Variants in VWF observed in about 807,000 individuals in gnomAD.
VWF encodes Factor VIII related antigen.
Under a neutral mutation model 308.6 loss-of-function variants are expected in VWF, and 176 were observed. That is an observed-to-expected ratio of 0.57 (90% CI 0.50 to 0.65). VWF has a LOEUF of 0.65. Among genes scored for constraint, VWF ranks in the 30% least tolerant of loss-of-function variants. The pLI is 0.00. For missense variants in VWF, 3,146 were observed against 3,648.2 expected, an observed-to-expected ratio of 0.86 and a Z score of 3.55; for synonymous variants, 1,385 against 1,443.4, an observed-to-expected ratio of 0.96 and a Z score of 0.92.
chr12:6,065,673 G>T (rs117752210), intron 10 of VWF, among the ~76,000 whole-genome samples: 1 of 152,200 alleles, frequency 6.6e-6, no homozygotes, highest in Non-Finnish European at 1.5e-5. Flanking sequence ...TGGTGCCAGC[G>T]GAATGCCTGG....
At chr12:6,045,948 C>T (rs1455150711) in intron 17 of VWF, among the ~76,000 whole-genome samples, 1 of 152,124 alleles carries the variant, frequency 6.6e-6, no homozygotes, top group Admixed American at 6.5e-5. Flanking sequence ...ACAGGCCAGG[C>T]GTGGTGGCTC....
intron 11 of VWF, 70 bp from the exon 12 acceptor site, chr12:6,064,454 C>G (rs565712420): frequency 1.9e-4 from 307 of 1,599,958 alleles, no homozygotes; most frequent in Admixed American, 3.8e-4. Flanking sequence ...CCAGGACCCT[C>G]TTAATCAGAG....
At chr12:5,982,421 T>A (rs1295523956) in intron 41 of VWF, among the ~76,000 whole-genome samples, 3 of 152,280 alleles carry the variant, frequency 2.0e-5, no homozygotes, top group Non-Finnish European at 2.9e-5. Flanking sequence ...AACAATACCC[T>A]ACACTTTAGG....
chr12:6,030,885 C>T (rs773220063), intron 21 of VWF, among the ~76,000 whole-genome samples: 6 of 152,020 alleles, frequency 3.9e-5, no homozygotes, highest in South Asian at 2.1e-4. Context: ...AGAAATTAGC[C>T]GGGCACGGTG....
At chr12:6,055,712 A>AT (rs1944569360) in intron 15 of VWF, among the ~76,000 whole-genome samples, 1 of 151,020 alleles carries the variant, frequency 6.6e-6, no homozygotes, top group South Asian at 2.1e-4. Flanking sequence ...ACTGTTTCTC[A>AT]TAACTCCTCT....
chr12:6,111,257 CTGCGT>C (rs1426382215), intron 3 of VWF, among the ~76,000 whole-genome samples: 5 of 152,170 alleles, frequency 3.3e-5, no homozygotes, highest in Non-Finnish European at 2.9e-5. Flanking sequence ...AGTTTACAAC[CTGCGT>C]ATAAATAGAA....
chr12:6,021,649 G>GC, intron 27 of VWF: 1 of 487,896 alleles, frequency 2.0e-6, no homozygotes, highest in Non-Finnish European at 3.6e-6. Context: ...CCTATTAAGA[G>GC]CAAAAACACT....
chr12:5,953,302 A>G (rs1023574669), intron 48 of VWF, among the ~76,000 whole-genome samples, 194 bp downstream of exon 48: 3 of 152,220 alleles, frequency 2.0e-5, no homozygotes, highest in Non-Finnish European at 4.4e-5. Context: ...AAGAAGAGCA[A>G]CAAAATAACT....
At position 6,051,286 on chromosome 12, in the gene VWF, C is replaced by CT. The variant is rs55842185; in HGVS notation, c.2186+1256dup. Among the ~76,000 whole-genome samples, 1,004 of 117,414 alleles carry CT rather than the reference C, an allele frequency of 8.6e-3. 14 individuals are homozygous for CT. The highest frequency in any genetic ancestry group is 0.016 in the African/African-American group (457 of 29,470). 77.0% of individuals were successfully genotyped at this position (117,414 alleles called of 152,430 possible). Reference sequence around the variant, plus strand: ...TTCCATAATCAGGACTTCTTTTTTTCTTTTTTTTTTTTTTTTTTTTTTTGA... The same window carrying CT: ...TTCCATAATCAGGACTTCTTTTTTTCTTTTTTTTTTTTTTTTTTTTTTTTGA... On this transcript the variant is annotated intron_variant, in intron 16 of 51. Transcript: ENST00000261405.
At chr12:6,098,038 G>A (rs531722247) in intron 5 of VWF, among the ~76,000 whole-genome samples, 252 of 152,040 alleles carry the variant, frequency 1.7e-3, no homozygotes, top group Non-Finnish European at 3.2e-3. Context: ...GACCATCTAT[G>A]AAGTGAAACT....
In VWF at chr12:5,996,110, CTCCAGG is replaced by C; in HGVS notation, c.5949_5954del (p.Asp1983_Leu1984del). 4 of 1,614,106 alleles carry C rather than the reference CTCCAGG, an allele frequency of 2.5e-6. No homozygotes were observed. The highest frequency in any genetic ancestry group is 3.4e-6 in the Non-Finnish European group (4 of 1,180,030). ...TGCAGGCACCATTATGGAGAATCAC[CTCCAGG>C]TCCTGCTCCTTGTTTTGAAATAGGA... On this transcript the variant is annotated inframe_deletion, in exon 35 of 52. Coordinates refer to ENST00000261405, the MANE Select transcript of VWF (RefSeq NM_000552.5).
At chr12:6,025,775 C>T (rs1280910138) in intron 23 of VWF, 82 bp from the exon 24 acceptor site, 9 of 1,546,020 alleles carry the variant, frequency 5.8e-6, no homozygotes, top group Non-Finnish European at 8.0e-6. Flanking sequence ...AGAGACCCTC[C>T]TTCCCACCCT....
Position 6,023,530 on chromosome 12 carries a change from T to C in VWF, c.3379+101A>G, listed in dbSNP as rs537168070. The C allele has an allele frequency of 2.6e-6, 4 of 1,527,810 alleles. No individual in the cohort carries two copies. In the African/African-American group the frequency reaches 5.5e-5, roughly 21 times the overall value. 94.6% of individuals were successfully genotyped at this position (1,527,810 alleles called of 1,614,324 possible). On this transcript the variant is annotated intron_variant, in intron 25 of 51. Transcript: ENST00000261405. The stretch of plus-strand genomic sequence containing the variant: ...CAGTCCCTACTAACACTCTGTCTTC[T>C]CTCGCCCATGAAGATATCCCCCTGC...
At chr12:6,120,607 C>A (rs1945418780) in intron 3 of VWF, among the ~76,000 whole-genome samples, 1 of 152,106 alleles carries the variant, frequency 6.6e-6, no homozygotes, top group African/African-American at 2.4e-5. Context: ...CCGGCCTCAG[C>A]TCCACCTTTT....
intron 5 of VWF, 129 bp from the exon 6 acceptor site, chr12:6,095,713 G>C: frequency 1.5e-6 from 2 of 1,373,946 alleles, no homozygotes; most frequent in South Asian, 1.2e-5. Flanking sequence ...ACAGGGTCTG[G>C]CTATGTTTCC....
At position 6,092,673 on chromosome 12, in the gene VWF, G is replaced by GTGTGTGTGTGTGTGTGTA. The variant is rs1356836169; in HGVS notation, c.657+2786_657+2787insTACACACACACACACACA. ...TGTGTGTGTGTGTGTGTGTGTGTGT[G>GTGTGTGTGTGTGTGTGTA]CTGACCAGCATTCCTTCCTGGTAAG... is the stretch of plus-strand genomic sequence containing the variant. On this transcript the variant is annotated intron_variant, in intron 6 of 51. Coordinates refer to ENST00000261405, the MANE Select transcript of VWF (RefSeq NM_000552.5). Among the ~76,000 whole-genome samples the GTGTGTGTGTGTGTGTGTA allele has an allele frequency of 1.1e-3, 142 of 123,644 alleles. 6 individuals carry two copies. Among genetic ancestry groups the GTGTGTGTGTGTGTGTGTA allele is most frequent in the African/African-American group, 1.7e-3 (44 of 25,958 alleles). 81.1% of individuals were successfully genotyped at this position (123,644 alleles called of 152,430 possible).
At chr12:6,018,244 G>A in intron 28 of VWF, 121 bp downstream of exon 28, 2 of 1,266,156 alleles carry the variant, frequency 1.6e-6, no homozygotes, top group Non-Finnish European at 2.2e-6. Context: ...TTCAACCAAG[G>A]CCACACAGAC....
rs1330344875 is a variant in VWF, at chr12:6,016,515, C to T, written c.5311+1G>A. 2.5e-6 allele frequency: 4 copies of T among 1,613,806 alleles called. No homozygotes were observed. The Middle Eastern group carries it at 5.2e-4, about 208-fold the overall frequency. The stretch of plus-strand genomic sequence containing the variant: ...CATCCAGCCTGTGGCACCAACGTTA[C>T]CGATTTGGCTGGGGCCTCCCTCCCG... On this transcript the variant is annotated splice_donor_variant, in intron 30 of 51. Transcript: ENST00000261405. LOFTEE classifies it high-confidence loss of function.
At chr12:5,988,404 G>A (rs1359312090) in intron 38 of VWF, among the ~76,000 whole-genome samples, 1 of 152,184 alleles carries the variant, frequency 6.6e-6, no homozygotes, top group Non-Finnish European at 1.5e-5. Flanking sequence ...CTGGGGCAGG[G>A]GGTCGAATTG....
Sources: gnomAD v4.1 joint callset for allele counts (sites outside exome capture counted in the v4.1 genomes callset) on GRCh38, gnomAD v4.1.1 for gene constraint, MANE v1.5 for transcripts, NCBI Gene and HGNC (gene_info 2026-07-23, HGNC 2026-07-21) for gene names.